The following TOP6BL variants were observed in gnomAD, a reference collection of about 807,000 sequenced individuals.
TOP6BL encodes the protein TOP6B like initiator of meiotic double strand breaks, also known as type 2 DNA topoisomerase 6 subunit B-like.
chr11:66,774,835 T>C, the TOP6BL span, among the ~76,000 whole-genome samples: 1 of 150,326 alleles, frequency 6.7e-6, no homozygotes, highest in Non-Finnish European at 1.5e-5. Context: ...AGTTCCAGGC[T>C]GGACATGGTG....
the TOP6BL span, chr11:66,800,655 C>T: frequency 1.9e-6 from 3 of 1,603,620 alleles, no homozygotes; most frequent in South Asian, 3.4e-5. Context: ...GATTTCATTT[C>T]AGTGTAAAGG....
At chr11:66,787,119 A>G in the TOP6BL span, among the ~76,000 whole-genome samples, 1 of 151,868 alleles carries the variant, frequency 6.6e-6, no homozygotes, top group Admixed American at 6.6e-5. Context: ...TTATTAGTAG[A>G]GACGGGGTTT....
chr11:66,826,695 T>A, the TOP6BL span, among the ~76,000 whole-genome samples: 33 of 152,120 alleles, frequency 2.2e-4, no homozygotes, highest in Admixed American at 1.2e-3. Context: ...TTATTTATTT[T>A]TTTTGAGACA....
the TOP6BL span, among the ~76,000 whole-genome samples, chr11:66,816,705 A>G: frequency 2.6e-5 from 4 of 152,128 alleles, no homozygotes; most frequent in African/African-American, 9.7e-5. Flanking sequence ...GGGCCTACAG[A>G]TGCATGCCAG....
chr11:66,760,235 G>GAACTT, the TOP6BL span, among the ~76,000 whole-genome samples: 1 of 138,730 alleles, frequency 7.2e-6, no homozygotes. Context: ...AGATTACCTA[G>GAACTT]GTCAGGAGTT....
the TOP6BL span, among the ~76,000 whole-genome samples, chr11:66,749,020 A>G: frequency 2.0e-5 from 3 of 151,870 alleles, no homozygotes; most frequent in African/African-American, 7.2e-5. Context: ...TGAAGCATGA[A>G]TTTTCTTAAA....
At chr11:66,771,182 T>A in the TOP6BL span, 1 of 151,462 alleles carries the variant, frequency 6.6e-6, no homozygotes, top group African/African-American at 2.4e-5. Context: ...TTTTTTTTTT[T>A]AGAGATGAGG....
chr11:66,793,706 A>G, the TOP6BL span, among the ~76,000 whole-genome samples: 1 of 151,900 alleles, frequency 6.6e-6, no homozygotes, highest in Admixed American at 6.6e-5. Flanking sequence ...TTGGCCTCCC[A>G]AAGTGCTGGG....
At chr11:66,801,450 G>A in the TOP6BL span, among the ~76,000 whole-genome samples, 2 of 152,228 alleles carry the variant, frequency 1.3e-5, no homozygotes, top group Admixed American at 6.5e-5. Flanking sequence ...TGAATACAAA[G>A]GAATTCAGTG....
the TOP6BL span, among the ~76,000 whole-genome samples, chr11:66,767,231 G>A: frequency 6.6e-6 from 1 of 152,104 alleles, no homozygotes; most frequent in Non-Finnish European, 1.5e-5. Flanking sequence ...CATGTTAAAT[G>A]TGTGCTACTG....
the TOP6BL span, among the ~76,000 whole-genome samples, chr11:66,777,998 G>T: frequency 6.6e-6 from 1 of 151,964 alleles, no homozygotes; most frequent in Non-Finnish European, 1.5e-5. Flanking sequence ...TAATGAGATG[G>T]TTAAAAGTTT....
At chr11:66,808,422 G>A in the TOP6BL span, among the ~76,000 whole-genome samples, 1 of 152,090 alleles carries the variant, frequency 6.6e-6, no homozygotes, top group Non-Finnish European at 1.5e-5. Context: ...CACCTACTCA[G>A]GAGGCTGAAG....
At chr11:66,803,975 ACTTGT>A in the TOP6BL span, 2 of 1,565,226 alleles carry the variant, frequency 1.3e-6, no homozygotes, top group Non-Finnish European at 1.7e-6. Context: ...GTTAAATTTG[ACTTGT>A]CTGTTTTCTG....
the TOP6BL span, among the ~76,000 whole-genome samples, chr11:66,768,877 T>G: frequency 6.6e-6 from 1 of 152,198 alleles, no homozygotes; most frequent in African/African-American, 2.4e-5. Context: ...GCTCTTATTA[T>G]TAGAGATCCT....
chr11:66,814,246 T>G, the TOP6BL span, among the ~76,000 whole-genome samples: 10 of 151,854 alleles, frequency 6.6e-5, no homozygotes, highest in Non-Finnish European at 1.3e-4. Flanking sequence ...CATGTTTTTT[T>G]TTGTTGCTTG....
the TOP6BL span, among the ~76,000 whole-genome samples, chr11:66,751,835 C>T: frequency 6.6e-6 from 1 of 152,178 alleles, no homozygotes; most frequent in East Asian, 1.9e-4. Flanking sequence ...ACTATGATTA[C>T]TTTTCTTTAT....
At chr11:66,789,705 A>G in the TOP6BL span, among the ~76,000 whole-genome samples, 1 of 152,182 alleles carries the variant, frequency 6.6e-6, no homozygotes, top group African/African-American at 2.4e-5. Context: ...CATAACATTT[A>G]TATATATTAT....
At chr11:66,815,802 A>C in the TOP6BL span, 6 of 362,564 alleles carry the variant, frequency 1.7e-5, no homozygotes, top group South Asian at 7.0e-5. Flanking sequence ...AGAGCTTCTC[A>C]GTAATGTAAA....
chr11:66,791,253 G>C, the TOP6BL span, among the ~76,000 whole-genome samples: 1 of 152,164 alleles, frequency 6.6e-6, no homozygotes, highest in African/African-American at 2.4e-5. Flanking sequence ...ATTTAGGAGA[G>C]ATATTGGGTT....
Sources: gnomAD v4.1 joint callset for allele counts (sites outside exome capture counted in the v4.1 genomes callset) on GRCh38, gnomAD v4.1.1 for gene constraint, MANE v1.5 for transcripts, NCBI Gene and HGNC (gene_info 2026-07-23, HGNC 2026-07-21) for gene names.